The following CNTN3 variants were observed in gnomAD, a reference collection of about 807,000 sequenced individuals.
CNTN3 encodes contactin 3.
A neutral mutation model predicts 119.1 loss-of-function variants in CNTN3; 60 were observed. That is an observed-to-expected ratio of 0.50 (90% CI 0.41 to 0.62). The LOEUF (loss-of-function observed/expected upper bound fraction) is 0.62, where lower values mean the gene tolerates loss of function less well. Among genes scored for constraint, CNTN3 ranks in the 20% least tolerant of loss-of-function variants. The probability of loss-of-function intolerance (pLI) is 0.00; values close to 1 mark genes in which losing one functional copy is unlikely to be tolerated. For synonymous variants in CNTN3, 450 were observed against 438.7 expected (o/e 1.03, Z -0.32); for missense variants, 1,101 against 1,242.4 (o/e 0.89, Z 1.71).
intron 13 of CNTN3, among the ~76,000 whole-genome samples, chr3:74,324,333 T>G (rs1703079024): frequency 6.6e-6 from 1 of 152,052 alleles, no homozygotes; most frequent in Non-Finnish European, 1.5e-5. Context: ...TGTCTCAGCC[T>G]CCCGAGTAGC....
At chr3:74,269,900 C>T (rs1169276332) in intron 20 of CNTN3, among the ~76,000 whole-genome samples, 7 of 152,004 alleles carry the variant, frequency 4.6e-5, no homozygotes, top group African/African-American at 1.5e-4. Context: ...TACAAAGTTC[C>T]AGTTCTGCAA....
intron 1 of CNTN3, among the ~76,000 whole-genome samples, chr3:74,549,186 A>C (rs1703954753): frequency 1.3e-5 from 2 of 151,990 alleles, no homozygotes; most frequent in African/African-American, 4.8e-5. Context: ...GTTGTCTCGT[A>C]ATAGAGTTCT....
chr3:74,471,829 T>G (rs1415780172), intron 4 of CNTN3, among the ~76,000 whole-genome samples: 1 of 152,222 alleles, frequency 6.6e-6, no homozygotes, highest in East Asian at 1.9e-4. Context: ...TAGTTATCTG[T>G]CCCAGTTTGT....
chr3:74,521,995 G>A lies in CNTN3; in HGVS notation c.-80-803C>T, dbSNP rs539531954. ...AAGTTTGCTACTTTAGTAAGGAACG[G>A]GTACAACTCTCTGATTCAGCAGCTG... On this transcript the variant is annotated intron_variant, in intron 1 of 22. Coordinates refer to ENST00000263665, the MANE Select transcript of CNTN3 (RefSeq NM_020872.3). Among the ~76,000 whole-genome samples the A allele has an allele frequency of 3.3e-5, 5 of 151,790 alleles. No homozygotes were observed. In the South Asian group the frequency reaches 1.0e-3, roughly 32 times the overall value.
At chr3:74,614,346 C>T (rs1705133219) in intron 1 of CNTN3, among the ~76,000 whole-genome samples, 45 bp downstream of exon 1, 1 of 151,990 alleles carries the variant, frequency 6.6e-6, no homozygotes, top group Admixed American at 6.6e-5. Flanking sequence ...GGTGGCTCAT[C>T]CCTGTGGCCC....
At chr3:74,328,155 A>C (rs1703174540) in intron 13 of CNTN3, among the ~76,000 whole-genome samples, 1 of 152,024 alleles carries the variant, frequency 6.6e-6, no homozygotes, top group South Asian at 2.1e-4. Context: ...TCAATTAATT[A>C]CAGTATCAAA....
Position 74,591,908 on chromosome 3 carries a change from C to A in CNTN3, c.-81+22483G>T, listed in dbSNP as rs558784225. ...GATAGATAATCAGGACACAGAAGCA[C>A]CAGAGATGTAGAGAGGATGGGCTCC... On this transcript the variant is annotated intron_variant, in intron 1 of 22. Transcript: ENST00000263665. Among the ~76,000 whole-genome samples, 8 of 151,810 alleles carry A rather than the reference C, an allele frequency of 5.3e-5. No homozygotes were observed. In the South Asian group the frequency reaches 1.5e-3, roughly 28 times the overall value.
intron 3 of CNTN3, 118 bp downstream of exon 3, chr3:74,499,540 AG>A (rs2107077969): frequency 2.4e-6 from 2 of 836,822 alleles, no homozygotes; most frequent in East Asian, 5.4e-5. Context: ...ATACAACTAT[AG>A]CTTCACGTAT....
chr3:74,523,905 A>G (rs1022236639), intron 1 of CNTN3, among the ~76,000 whole-genome samples: 2 of 151,888 alleles, frequency 1.3e-5, no homozygotes, highest in African/African-American at 4.8e-5. Context: ...GGTTGCTCCA[A>G]TGTTCCAAAT....
At chr3:74,317,593 A>C (rs1183752276) in intron 13 of CNTN3, among the ~76,000 whole-genome samples, 3 of 152,208 alleles carry the variant, frequency 2.0e-5, no homozygotes, top group South Asian at 2.1e-4. Flanking sequence ...TCCTTCACTT[A>C]TGAAGCTTAG....
At chr3:74,527,870 A>G (rs1349808221) in intron 1 of CNTN3, among the ~76,000 whole-genome samples, 1 of 151,950 alleles carries the variant, frequency 6.6e-6, no homozygotes, top group African/African-American at 2.4e-5. Flanking sequence ...CTGAGTTTCA[A>G]CAGTGTTGCA....
intron 1 of CNTN3, among the ~76,000 whole-genome samples, chr3:74,581,863 T>A (rs1704515075): frequency 6.6e-6 from 1 of 152,190 alleles, no homozygotes; most frequent in South Asian, 2.1e-4. Context: ...GAAGTCTTGT[T>A]AATAAATGTT....
chr3:74,309,063 G>A (rs1019114033), intron 13 of CNTN3, among the ~76,000 whole-genome samples: 2 of 151,782 alleles, frequency 1.3e-5, no homozygotes, highest in Non-Finnish European at 2.9e-5. Context: ...CTAATGACAG[G>A]CCTAATATCA....
chr3:74,401,853 C>T (rs1429695909), intron 5 of CNTN3, among the ~76,000 whole-genome samples: 1 of 152,192 alleles, frequency 6.6e-6, no homozygotes, highest in Non-Finnish European at 1.5e-5. Context: ...CTTGTAACCA[C>T]TCTCATCTTT....
chr3:74,611,927 T>A (rs1207310787), intron 1 of CNTN3, among the ~76,000 whole-genome samples: 1 of 152,192 alleles, frequency 6.6e-6, no homozygotes, highest in East Asian at 1.9e-4. Flanking sequence ...TCTGAATATA[T>A]TCCACTACAT....
Position 74,561,464 on chromosome 3 carries a change from A to G in CNTN3, c.-80-40272T>C, listed in dbSNP as rs144604357. On this transcript the variant is annotated intron_variant, in intron 1 of 22. Transcript: ENST00000263665. Reference sequence around the variant, plus strand: ...CCCAGTGGCTGCCTTTTTGTTCTTCATATGCGTCAAGTTTATCCCCTTCTC... The same window carrying G: ...CCCAGTGGCTGCCTTTTTGTTCTTCGTATGCGTCAAGTTTATCCCCTTCTC... 4.0e-3 allele frequency among the ~76,000 whole-genome samples: 613 copies of G among 152,068 alleles called. 17 individuals are homozygous for G. Among genetic ancestry groups the G allele is most frequent in the Admixed American group, 0.032 (489 of 15,264 alleles).
chr3:74,576,959 G>A (rs9825426), intron 1 of CNTN3, among the ~76,000 whole-genome samples: 151,286 of 152,242 alleles, frequency 0.99, 75,175 homozygotes, highest in Middle Eastern at 1. Flanking sequence ...GAGCAACCTT[G>A]GCCTTCTAAG....
chr3:74,536,835 A>T (rs1318506653), intron 1 of CNTN3, among the ~76,000 whole-genome samples: 1 of 152,152 alleles, frequency 6.6e-6, no homozygotes, highest in East Asian at 1.9e-4. Context: ...CAAGGTACTT[A>T]GAATCTGAGG....
chr3:74,453,403 CTCT>C (rs1702200371), intron 4 of CNTN3, among the ~76,000 whole-genome samples: 2 of 152,076 alleles, frequency 1.3e-5, no homozygotes, highest in African/African-American at 2.4e-5. Flanking sequence ...TGATTCTTCT[CTCT>C]TTTTTTCTTT....
Sources: gnomAD v4.1 joint callset for allele counts (sites outside exome capture counted in the v4.1 genomes callset) on GRCh38, gnomAD v4.1.1 for gene constraint, MANE v1.5 for transcripts, NCBI Gene and HGNC (gene_info 2026-07-23, HGNC 2026-07-21) for gene names.